Variants in FSTL4 observed in about 807,000 individuals in gnomAD.
FSTL4 encodes the protein follistatin like 4.
Under a neutral mutation model 78.2 loss-of-function variants are expected in FSTL4, and 28 were observed. That is an observed-to-expected ratio of 0.36 (90% CI 0.27 to 0.49). The LOEUF is 0.49. FSTL4 is among the 20% of genes least tolerant of loss of function. The probability of loss-of-function intolerance (pLI) is 0.98; values close to 1 mark genes in which losing one functional copy is unlikely to be tolerated. For synonymous variants in FSTL4, 422 were observed against 440.5 expected, an observed-to-expected ratio of 0.96 and a Z score of 0.53; for missense variants, 922 against 1,084.9, an observed-to-expected ratio of 0.85 and a Z score of 2.11.
chr5:133,427,200 T>C (rs564791461), intron 3 of FSTL4, among the ~76,000 whole-genome samples: 61 of 152,282 alleles, frequency 4.0e-4, no homozygotes, highest in Non-Finnish European at 7.5e-4. Context: ...CTATAGAGCA[T>C]GGATAACAAC....
intron 3 of FSTL4, among the ~76,000 whole-genome samples, chr5:133,517,966 G>C (rs559696149): frequency 6.6e-6 from 1 of 152,292 alleles, no homozygotes; most frequent in East Asian, 1.9e-4. Flanking sequence ...TCAAAGTCTA[G>C]TAATTTAAAC....
the FSTL4 span, among the ~76,000 whole-genome samples, chr5:133,736,407 T>G: frequency 1.3e-5 from 2 of 152,168 alleles, no homozygotes; most frequent in African/African-American, 2.4e-5. Flanking sequence ...TCCCCTAACT[T>G]TTCCTGGAAT....
the FSTL4 span, among the ~76,000 whole-genome samples, chr5:133,690,208 T>G: frequency 6.6e-6 from 1 of 152,140 alleles, no homozygotes; most frequent in Non-Finnish European, 1.5e-5. Flanking sequence ...TCACCTAAAA[T>G]GACCCCCTCC....
rs189544974 is a variant in FSTL4, at chr5:133,605,138, A to G, written c.-10-1145T>C. Among the ~76,000 whole-genome samples, 15 of 152,342 alleles carry G rather than the reference A, an allele frequency of 9.8e-5. No homozygotes were observed. In the East Asian group the frequency reaches 2.9e-3, roughly 29 times the overall value. ...TTTCCACTGTGAACACAGTCCAACC[A>G]TAATTTCAGTATTCTGATTATGAAA... On this transcript the variant is annotated intron_variant, in intron 1 of 15. Transcript: ENST00000265342.
At chr5:133,202,722 G>C (rs1241815378) in intron 14 of FSTL4, 1 of 152,216 alleles carries the variant, frequency 6.6e-6, no homozygotes, top group African/African-American at 2.4e-5. Flanking sequence ...AAGAGGTCCT[G>C]GTCTCACACA....
intron 4 of FSTL4, among the ~76,000 whole-genome samples, chr5:133,348,662 C>T (rs1220245018): frequency 3.3e-5 from 5 of 152,244 alleles, no homozygotes; most frequent in African/African-American, 7.2e-5. Context: ...TCCTCCACTT[C>T]GCAACCTGTG....
chr5:133,541,143 T>C (rs1759463497), intron 3 of FSTL4, among the ~76,000 whole-genome samples: 1 of 152,244 alleles, frequency 6.6e-6, no homozygotes, highest in Admixed American at 6.5e-5. Flanking sequence ...CCACAAAACG[T>C]AGTGACTTAA....
chr5:133,568,090 A>G (rs1760067387), intron 2 of FSTL4, among the ~76,000 whole-genome samples: 1 of 152,226 alleles, frequency 6.6e-6, no homozygotes, highest in African/African-American at 2.4e-5. Flanking sequence ...CCAGGAAGAG[A>G]GAATAGCATA....
chr5:133,812,210 C>A, the FSTL4 span, among the ~76,000 whole-genome samples: 17,936 of 152,236 alleles, frequency 0.12, 1,147 homozygotes, highest in East Asian at 0.2. Context: ...CACTTACTAC[C>A]ATGTCTTGCC....
At chr5:133,362,776 C>T (rs1755099517) in intron 4 of FSTL4, among the ~76,000 whole-genome samples, 1 of 152,248 alleles carries the variant, frequency 6.6e-6, no homozygotes, top group African/African-American at 2.4e-5. Flanking sequence ...AACTCCTTCC[C>T]ATAGTCTCAG....
rs148961965 is a variant in FSTL4 at position 133,368,075 on chromosome 5, G to A, written c.409+32663C>T. ...TTCTGGCCTTTGCCCCCTGCCCCTG[G>A]GAGGGGATTGCTAAGCCCTTGGACT... On this transcript the variant is annotated intron_variant, in intron 4 of 15. Coordinates refer to ENST00000265342, the MANE Select transcript of FSTL4 (RefSeq NM_015082.2). 3.3e-5 allele frequency among the ~76,000 whole-genome samples: 5 copies of A among 152,346 alleles called. No individual in the cohort carries two copies. In the East Asian group the frequency reaches 9.7e-4, roughly 29 times the overall value.
intron 3 of FSTL4, among the ~76,000 whole-genome samples, chr5:133,434,408 T>C (rs149410291): frequency 5.3e-5 from 8 of 152,354 alleles, no homozygotes; most frequent in African/African-American, 1.9e-4. Context: ...ATATCATGCT[T>C]TTAAACTTAA....
intron 2 of FSTL4, among the ~76,000 whole-genome samples, chr5:133,578,111 A>G (rs1760325187): frequency 6.6e-6 from 1 of 152,246 alleles, no homozygotes; most frequent in Non-Finnish European, 1.5e-5. Context: ...TTATCAAGAC[A>G]AAAGGAAGAG....
At chr5:133,763,652 A>G in the FSTL4 span, among the ~76,000 whole-genome samples, 1 of 152,120 alleles carries the variant, frequency 6.6e-6, no homozygotes, top group Non-Finnish European at 1.5e-5. Flanking sequence ...CCTTCATTTT[A>G]TAGTTTATAA....
intron 3 of FSTL4, among the ~76,000 whole-genome samples, chr5:133,444,597 A>AGCTGGCCTTG (rs1757223442): frequency 6.6e-6 from 1 of 152,156 alleles, no homozygotes; most frequent in Non-Finnish European, 1.5e-5. Flanking sequence ...GCCAGCTTTG[A>AGCTGGCCTTG]ATCAGAGGCC....
At chr5:133,557,259 A>C (rs77868569) in intron 3 of FSTL4, among the ~76,000 whole-genome samples, 4,673 of 152,306 alleles carry the variant, frequency 0.031, 238 homozygotes, top group African/African-American at 0.11. Context: ...TTCTGAAGAC[A>C]GAAGAGAGCA....
At chr5:133,508,719 A>G (rs1758663875) in intron 3 of FSTL4, among the ~76,000 whole-genome samples, 1 of 152,224 alleles carries the variant, frequency 6.6e-6, no homozygotes, top group South Asian at 2.1e-4. Flanking sequence ...GGATTTTAGT[A>G]TCTGTGGAAG....
intron 3 of FSTL4, among the ~76,000 whole-genome samples, chr5:133,525,947 T>C (rs753614699): frequency 1.3e-5 from 2 of 152,190 alleles, no homozygotes; most frequent in East Asian, 1.9e-4. Flanking sequence ...GTTGAGCATG[T>C]ATTACATGCT....
At chr5:133,634,858 C>T in the FSTL4 span, among the ~76,000 whole-genome samples, 459 of 152,254 alleles carry the variant, frequency 3.0e-3, 2 homozygotes, top group African/African-American at 0.011. Context: ...TAATCTACAG[C>T]AAATAGCATG....
Sources: allele counts gnomAD v4.1 joint callset (sites outside exome capture counted in the v4.1 genomes callset), GRCh38; gene constraint gnomAD v4.1.1; transcripts MANE v1.5; gene names NCBI Gene and HGNC (gene_info 2026-07-23, HGNC 2026-07-21).